Variants in FAM171A1 observed in about 807,000 individuals in gnomAD.
FAM171A1 encodes the protein family with sequence similarity 171 member A1.
FAM171A1 carries 23 observed loss-of-function variants against 74.9 expected under a neutral mutation model. The ratio of observed to expected loss-of-function variants is 0.31; its 90% CI spans 0.22 to 0.44. The LOEUF (loss-of-function observed/expected upper bound fraction) is 0.44. FAM171A1 is among the 20% of genes least tolerant of loss of function. The probability of loss-of-function intolerance (pLI) is 1.00; values close to 1 mark genes in which losing one functional copy is unlikely to be tolerated. For synonymous variants in FAM171A1, 527 were observed against 505.7 expected (o/e 1.04, Z -0.57); for missense variants, 1,162 against 1,159.2 (o/e 1.00, Z -0.03).
At chr10:15,277,115 A>G (rs1039105424) in intron 2 of FAM171A1, among the ~76,000 whole-genome samples, 1 of 152,260 alleles carries the variant, frequency 6.6e-6, no homozygotes, top group African/African-American at 2.4e-5. Flanking sequence ...AATAATAATC[A>G]TCACTCACAT....
intron 1 of FAM171A1, among the ~76,000 whole-genome samples, chr10:15,343,836 G>T (rs1396630300): frequency 2.0e-5 from 3 of 152,152 alleles, no homozygotes; most frequent in Non-Finnish European, 4.4e-5. Context: ...ATGCTCCCAG[G>T]TAATGATAAT....
chr10:15,372,910 G>A (rs1245912978), upstream of FAM171A1, among the ~76,000 whole-genome samples: 3 of 151,872 alleles, frequency 2.0e-5, no homozygotes, highest in Non-Finnish European at 2.9e-5. Flanking sequence ...CTAGCACTGC[G>A]GTGACCTTCC....
At chr10:15,286,490 C>T (rs1835036837) in intron 1 of FAM171A1, among the ~76,000 whole-genome samples, 1 of 152,122 alleles carries the variant, frequency 6.6e-6, no homozygotes, top group Non-Finnish European at 1.5e-5. Context: ...CCATGTTGGC[C>T]AGGTTGCTCT....
At chr10:15,294,634 C>A (rs1835139982) in intron 1 of FAM171A1, among the ~76,000 whole-genome samples, 1 of 152,206 alleles carries the variant, frequency 6.6e-6, no homozygotes, top group African/African-American at 2.4e-5. Context: ...CAAAGAGCAT[C>A]TGCTTTGTGG....
At chr10:15,330,264 G>A (rs1835611586) in intron 1 of FAM171A1, among the ~76,000 whole-genome samples, 1 of 152,064 alleles carries the variant, frequency 6.6e-6, no homozygotes, top group Non-Finnish European at 1.5e-5. Flanking sequence ...GCCTGAACCC[G>A]GCAGGTGGAG....
chr10:15,310,200 T>C (rs1481645475), intron 1 of FAM171A1, among the ~76,000 whole-genome samples: 2 of 152,096 alleles, frequency 1.3e-5, no homozygotes, highest in African/African-American at 4.8e-5. Context: ...GAGCAGGAAT[T>C]TGGTGGGTAA....
chr10:15,252,049 T>C (rs760628320), intron 4 of FAM171A1, among the ~76,000 whole-genome samples: 2 of 152,224 alleles, frequency 1.3e-5, no homozygotes, highest in Non-Finnish European at 2.9e-5. Context: ...CTTTTTGGAA[T>C]TGCAGGAAAA....
Position 15,277,254 on chromosome 10 carries a change from G to T in FAM171A1, c.326-1307C>A, listed in dbSNP as rs180889645. ...ATTTTTGAGACAGAGTTTCACTCTT[G>T]TTGCCCAGGCTGGAGTGCAATCGCG... is the stretch of plus-strand genomic sequence containing the variant. On this transcript the variant is annotated intron_variant, in intron 2 of 7. Transcript: ENST00000378116. Among the ~76,000 whole-genome samples the T allele has an allele frequency of 4.0e-3, 606 of 152,258 alleles. 1 individual carries two copies. The highest frequency in any genetic ancestry group is 0.014 in the African/African-American group (577 of 41,544).
intron 1 of FAM171A1, among the ~76,000 whole-genome samples, chr10:15,307,534 T>C (rs1277024878): frequency 6.7e-6 from 1 of 150,214 alleles, no homozygotes; most frequent in African/African-American, 2.5e-5. Flanking sequence ...TAATCCCAAC[T>C]ACTCAGGAGG....
intron 1 of FAM171A1, among the ~76,000 whole-genome samples, chr10:15,333,432 G>A (rs979223477): frequency 6.6e-5 from 10 of 152,160 alleles, no homozygotes; most frequent in African/African-American, 1.9e-4. Context: ...CCCAGGAGGC[G>A]GAGGGTGCAG....
intron 1 of FAM171A1, among the ~76,000 whole-genome samples, chr10:15,335,051 G>C (rs1316161041): frequency 6.6e-6 from 1 of 152,168 alleles, no homozygotes; most frequent in African/African-American, 2.4e-5. Context: ...AGACCAGCCT[G>C]GGCAACAGGG....
At chr10:15,357,144 A>G (rs371431969) in intron 1 of FAM171A1, among the ~76,000 whole-genome samples, 28 of 144,394 alleles carry the variant, frequency 1.9e-4, no homozygotes, top group East Asian at 1.7e-3. Context: ...TTAGCCAGGC[A>G]TGGTGGCGGG....
chr10:15,259,243 C>T (rs189221701), intron 3 of FAM171A1, among the ~76,000 whole-genome samples: 6 of 152,296 alleles, frequency 3.9e-5, no homozygotes, highest in African/African-American at 1.4e-4. Flanking sequence ...ATTTCTCTCC[C>T]TTTTTGCATC....
At chr10:15,348,824 C>G (rs1002314070) in intron 1 of FAM171A1, among the ~76,000 whole-genome samples, 1 of 152,186 alleles carries the variant, frequency 6.6e-6, no homozygotes. Flanking sequence ...AAAAAGCCAT[C>G]GGGAGAACGG....
At chr10:15,296,677 G>A (rs1330509829) in intron 1 of FAM171A1, among the ~76,000 whole-genome samples, 4 of 152,024 alleles carry the variant, frequency 2.6e-5, no homozygotes, top group African/African-American at 9.7e-5. Flanking sequence ...GTACCAAGAG[G>A]TGCCCTGAAC....
chr10:15,269,127 T>G (rs985777632), intron 3 of FAM171A1, among the ~76,000 whole-genome samples: 5 of 152,072 alleles, frequency 3.3e-5, no homozygotes, highest in Admixed American at 3.3e-4. Context: ...TTTATTCACT[T>G]TTTTGAGACA....
At chr10:15,308,319 A>G (rs998935913) in intron 1 of FAM171A1, among the ~76,000 whole-genome samples, 3 of 152,216 alleles carry the variant, frequency 2.0e-5, no homozygotes, top group African/African-American at 7.2e-5. Context: ...TTGCTACCTC[A>G]TTGTGAAAAT....
intron 1 of FAM171A1, among the ~76,000 whole-genome samples, chr10:15,336,724 T>C (rs1835705050): frequency 6.6e-6 from 1 of 152,184 alleles, no homozygotes; most frequent in Non-Finnish European, 1.5e-5. Context: ...AAGTGTAAAG[T>C]ATTAGTACAC....
intron 1 of FAM171A1, among the ~76,000 whole-genome samples, chr10:15,311,952 T>C (rs1835364541): frequency 1.3e-5 from 2 of 152,170 alleles, no homozygotes; most frequent in African/African-American, 4.8e-5. Context: ...CTCACGTACA[T>C]TACGTGATTA....
Sources: allele counts gnomAD v4.1 joint callset (sites outside exome capture counted in the v4.1 genomes callset), GRCh38; gene constraint gnomAD v4.1.1; transcripts MANE v1.5; gene names NCBI Gene and HGNC (gene_info 2026-07-23, HGNC 2026-07-21).